NBAS: variants seen among roughly 807,000 people sequenced by gnomAD.
NBAS encodes the protein NAG/BC035112 fusion.
Under a neutral mutation model 302.5 loss-of-function variants are expected in NBAS, and 219 were observed. That is an observed-to-expected ratio of 0.72 (90% CI 0.65 to 0.81). The LOEUF is 0.81. Ranked by LOEUF, NBAS falls within the 30% of genes least tolerant of loss-of-function variation. The pLI is 0.00. For missense variants in NBAS, 2,932 were observed against 2,841.6 expected, an observed-to-expected ratio of 1.03 and a Z score of -0.72; for synonymous variants, 1,118 against 1,021.6, an observed-to-expected ratio of 1.09 and a Z score of -1.80.
In NBAS at chr2:15,328,240, G is replaced by A. The variant is rs542935170; in HGVS notation, c.4420C>T (p.Pro1474Ser). ...TTTGAGATGACAGATTCATAAAAAG[G>A]ATGACACCCTTGTTTCTCTAGATCT... ...NEDLEKQGCH[P>S]FYESVISNPF... is the part of the protein sequence containing the mutation. Residue 1474 changes from proline (P) to serine (S), a missense_variant, in exon 37 of 52, where the codon CCT (proline) becomes TCT (serine). By Grantham distance (74) the Pro-to-Ser change is moderately conservative. Transcript: ENST00000281513. The A allele has an allele frequency of 1.2e-6, 2 of 1,613,914 alleles. No individual in the cohort carries two copies. The highest frequency in any genetic ancestry group is 1.7e-6 in the Non-Finnish European group (2 of 1,179,902).
chr2:15,200,750 G>T (rs1436686718), intron 48 of NBAS, among the ~76,000 whole-genome samples: 1 of 152,100 alleles, frequency 6.6e-6, no homozygotes. Context: ...TCATATAGCT[G>T]CAGCCTTCTT....
chr2:15,526,222 A>C (rs917034967), intron 9 of NBAS, among the ~76,000 whole-genome samples: 9 of 152,220 alleles, frequency 5.9e-5, no homozygotes, highest in Non-Finnish European at 1.2e-4. Context: ...TAAGGAGGAC[A>C]AAATACATTC....
chr2:14,843,891 G>A, the NBAS span, among the ~76,000 whole-genome samples: 2 of 152,118 alleles, frequency 1.3e-5, no homozygotes, highest in Admixed American at 6.5e-5. Context: ...CTAGCCAAAG[G>A]AGAATTGTCC....
intron 42 of NBAS, among the ~76,000 whole-genome samples, chr2:15,281,412 T>A (rs1219521907): frequency 1.3e-5 from 2 of 152,226 alleles, no homozygotes; most frequent in Non-Finnish European, 2.9e-5. Context: ...AAAGCGTATA[T>A]CTTATCATTG....
At chr2:14,814,381 C>T in the NBAS span, among the ~76,000 whole-genome samples, 1 of 152,188 alleles carries the variant, frequency 6.6e-6, no homozygotes, top group Non-Finnish European at 1.5e-5. Flanking sequence ...TCTGTAGATC[C>T]ACAGGGGCAA....
At chr2:15,471,648 A>G (rs888309886) in intron 16 of NBAS, among the ~76,000 whole-genome samples, 58 of 144,798 alleles carry the variant, frequency 4.0e-4, no homozygotes, top group African/African-American at 1.3e-3. Flanking sequence ...CCCAAAATCC[A>G]TATGTTGAAA....
At chr2:14,868,493 G>A in the NBAS span, among the ~76,000 whole-genome samples, 2 of 152,224 alleles carry the variant, frequency 1.3e-5, no homozygotes, top group African/African-American at 4.8e-5. Context: ...TCATGTAACT[G>A]GTACATGGTA....
intron 48 of NBAS, among the ~76,000 whole-genome samples, chr2:15,208,999 C>T (rs1465879960): frequency 6.6e-6 from 1 of 151,862 alleles, no homozygotes; most frequent in Non-Finnish European, 1.5e-5. Flanking sequence ...TAAAAGATCA[C>T]TAAAACAAAT....
At chr2:15,133,920 T>C in the NBAS span, among the ~76,000 whole-genome samples, 2 of 152,150 alleles carry the variant, frequency 1.3e-5, no homozygotes, top group African/African-American at 4.8e-5. Flanking sequence ...GCCTTTAGAC[T>C]TTTCAGACAA....
intron 10 of NBAS, among the ~76,000 whole-genome samples, chr2:15,508,133 A>G (rs752173063): frequency 2.6e-5 from 4 of 152,244 alleles, no homozygotes; most frequent in Non-Finnish European, 5.9e-5. Flanking sequence ...AGCCACTAAC[A>G]TAATTAAAAT....
chr2:15,202,777 A>C (rs1291281216), intron 48 of NBAS, among the ~76,000 whole-genome samples: 1 of 152,142 alleles, frequency 6.6e-6, no homozygotes, highest in Non-Finnish European at 1.5e-5. Flanking sequence ...ACCTCAGGTA[A>C]TCTGCTTGCC....
intron 23 of NBAS, among the ~76,000 whole-genome samples, chr2:15,418,076 A>G (rs1677034817): frequency 6.6e-6 from 1 of 152,202 alleles, no homozygotes; most frequent in Non-Finnish European, 1.5e-5. Flanking sequence ...TAATGTCAAA[A>G]TAACCTTATT....
intron 44 of NBAS, among the ~76,000 whole-genome samples, chr2:15,262,787 T>C (rs1360200139): frequency 6.6e-6 from 1 of 152,180 alleles, no homozygotes; most frequent in Non-Finnish European, 1.5e-5. Context: ...GCATCAATCT[T>C]TCATAGTCTT....
intron 9 of NBAS, among the ~76,000 whole-genome samples, chr2:15,521,691 G>C (rs4668917): frequency 0.62 from 93,862 of 152,050 alleles, 29,845 homozygotes; most frequent in Non-Finnish European, 0.68. Flanking sequence ...TTCTAAGACA[G>C]GGTGTTTGGC....
chr2:14,940,630 T>G, the NBAS span, among the ~76,000 whole-genome samples: 2 of 152,190 alleles, frequency 1.3e-5, no homozygotes, highest in Admixed American at 6.5e-5. Context: ...GGCTCTCACT[T>G]CTACCTAAAT....
At chr2:15,163,298 G>A (rs184922396), downstream of NBAS, among the ~76,000 whole-genome samples, 107 of 152,328 alleles carry the variant, frequency 7.0e-4, no homozygotes, top group African/African-American at 2.4e-3. Flanking sequence ...AGTGGGACTA[G>A]AAGGGAGAAG....
chr2:15,394,478 T>C lies in NBAS; in HGVS notation c.3135-129A>G. The C allele has an allele frequency of 3.3e-6, 3 of 901,332 alleles. No individual in the cohort carries two copies. The South Asian group carries it at 4.7e-5, about 14-fold the overall frequency. 55.8% of individuals were successfully genotyped at this position (901,332 alleles called of 1,614,324 possible). A position where few individuals can be genotyped will look rare whatever the true frequency, so the allele number is the denominator to read the frequency against. The stretch of plus-strand genomic sequence containing the variant: ...ATTATCCCATAGTGTAATCCAATTT[T>C]ACATATAACGTTGATTCTCAGCAAA... On this transcript the variant is annotated intron_variant, in intron 27 of 51. Transcript: ENST00000281513.
chr2:14,782,610 A>C, the NBAS span, among the ~76,000 whole-genome samples: 2 of 152,204 alleles, frequency 1.3e-5, no homozygotes, highest in African/African-American at 4.8e-5. Context: ...TACTGGGTTT[A>C]TACCCAAAGG....
At chr2:15,176,667 C>G (rs1266368166) in intron 51 of NBAS, among the ~76,000 whole-genome samples, 1 of 152,162 alleles carries the variant, frequency 6.6e-6, no homozygotes, top group Non-Finnish European at 1.5e-5. Context: ...TATTCCTAAT[C>G]AGAAAATCTG....
Sources: allele counts gnomAD v4.1 joint callset (sites outside exome capture counted in the v4.1 genomes callset), GRCh38; gene constraint gnomAD v4.1.1; transcripts MANE v1.5; gene names NCBI Gene and HGNC (gene_info 2026-07-23, HGNC 2026-07-21).